VPS13B: variants seen among roughly 807,000 people sequenced by gnomAD.
VPS13B encodes the protein intermembrane lipid transfer protein VPS13B.
VPS13B carries 285 observed loss-of-function variants against 426.4 expected under a neutral mutation model. The ratio of observed to expected loss-of-function variants is 0.67; its 90% CI spans 0.61 to 0.74. The LOEUF is 0.74. Among genes scored for constraint, VPS13B ranks in the 30% least tolerant of loss-of-function variants. The pLI is 0.00. For missense variants in VPS13B, 4,537 were observed against 4,782.6 expected, an observed-to-expected ratio of 0.95 and a Z score of 1.51; for synonymous variants, 1,676 against 1,676.4, an observed-to-expected ratio of 1.00 and a Z score of 0.01.
At position 99,642,369 on chromosome 8, in the gene VPS13B, G is replaced by C; in HGVS notation, c.5779G>C (p.Glu1927Gln). 1.9e-6 allele frequency: 3 copies of C among 1,614,120 alleles called. No individual in the cohort carries two copies. Among genetic ancestry groups the C allele is most frequent in the Non-Finnish European group, 2.5e-6 (3 of 1,179,994 alleles). Residue 1927 changes from glutamate (E) to glutamine (Q), a missense_variant, in exon 34 of 62, where the codon GAG becomes CAG. By Grantham distance (29) the Glu-to-Gln change is conservative. Transcript: ENST00000357162. ...GRRGTGDLQLEPFLYFIVSQP... is the reference protein window; with the variant it reads ...GRRGTGDLQLQPFLYFIVSQP... ...AAGAGGAACTGGTGACTTACAGCTAGAGCCTTTTCTGTACTTTATTGTGTC... is the reference window on the plus strand; with the variant it reads ...AAGAGGAACTGGTGACTTACAGCTACAGCCTTTTCTGTACTTTATTGTGTC...
chr8:99,469,373 G>A (rs985500163), intron 24 of VPS13B, among the ~76,000 whole-genome samples: 4 of 151,588 alleles, frequency 2.6e-5, no homozygotes, highest in East Asian at 1.9e-4. Flanking sequence ...ACAGGGTCTC[G>A]CTTTGTTGTC....
At chr8:99,291,639 G>T (rs1819739801) in intron 19 of VPS13B, among the ~76,000 whole-genome samples, 1 of 152,050 alleles carries the variant, frequency 6.6e-6, no homozygotes, top group Non-Finnish European at 1.5e-5. Flanking sequence ...GATTGGGAGA[G>T]AAGTTCTGCT....
At position 99,391,801 on chromosome 8, in the gene VPS13B, A is replaced by T. The variant is rs1015604792; in HGVS notation, c.3082+97A>T. The T allele has an allele frequency of 6.9e-6, 10 of 1,447,976 alleles. No individual in the cohort carries two copies. In the African/African-American group the frequency reaches 1.4e-4, roughly 20 times the overall value. The allele number at this position is 1,447,976 out of a possible 1,614,324, so 89.7% of individuals were successfully genotyped here. ...TTCATGGATGCTGGCCAAAGACATG[A>T]GACTCATTGAGTGGAGACAAAGAAC... On this transcript the variant is annotated intron_variant, in intron 21 of 61. Coordinates refer to ENST00000357162, the MANE Select transcript of VPS13B (RefSeq NM_152564.5).
intron 21 of VPS13B, among the ~76,000 whole-genome samples, chr8:99,397,885 A>G (rs933121317): frequency 6.6e-6 from 1 of 152,206 alleles, no homozygotes; most frequent in African/African-American, 2.4e-5. Context: ...GTCTAACTGC[A>G]TAAGAGGTCT....
chr8:99,418,537 T>G (rs1816196033), intron 21 of VPS13B, among the ~76,000 whole-genome samples: 2 of 148,772 alleles, frequency 1.3e-5, no homozygotes, highest in African/African-American at 5.0e-5. Flanking sequence ...TCTCTTTCTT[T>G]TCTTTTCTTT....
At chr8:99,162,405 A>G (rs1476470307) in intron 15 of VPS13B, among the ~76,000 whole-genome samples, 3 of 152,356 alleles carry the variant, frequency 2.0e-5, no homozygotes, top group Non-Finnish European at 4.4e-5. Context: ...TATTGGCTAT[A>G]TGATGAAATT....
rs202063214 is a variant in VPS13B at position 99,568,293 on chromosome 8, A to T, written c.4950-7365A>T. ...ACCGATAACTATTATTATTATTATT[A>T]TTATTATTTTTTTTTGAGACGGAGT... On this transcript the variant is annotated intron_variant, in intron 31 of 61. Coordinates refer to ENST00000357162, the MANE Select transcript of VPS13B (RefSeq NM_152564.5). Among the ~76,000 whole-genome samples, 669 of 99,142 alleles carry T rather than the reference A, an allele frequency of 6.7e-3. 13 individuals carry two copies. The highest frequency in any genetic ancestry group is 0.013 in the Middle Eastern group (3 of 226). The allele number at this position is 99,142 out of a possible 152,430, so 65.0% of individuals were successfully genotyped here.
rs191975246 is a variant in VPS13B, at chr8:99,270,223, C to G, written c.2516-3975C>G. On this transcript the variant is annotated intron_variant, in intron 17 of 61. Transcript: ENST00000357162. The stretch of plus-strand genomic sequence containing the variant: ...GTGTGATCTCGGCTCACTGCAACCT[C>G]TGCCTCCCAGGCTCAGGCAATTTTT... 6.7e-3 allele frequency among the ~76,000 whole-genome samples: 892 copies of G among 133,826 alleles called. 8 individuals are homozygous for G. The highest frequency in any genetic ancestry group is 0.023 in the African/African-American group (836 of 35,890). 87.8% of individuals were successfully genotyped at this position (133,826 alleles called of 152,430 possible). A position where few individuals can be genotyped will look rare whatever the true frequency, so the allele number is the denominator to read the frequency against.
intron 39 of VPS13B, among the ~76,000 whole-genome samples, chr8:99,749,439 T>A (rs1261701102): frequency 2.0e-5 from 3 of 151,630 alleles, no homozygotes; most frequent in Non-Finnish European, 4.4e-5. Flanking sequence ...TTTATCTCCA[T>A]GAGTTCAATC....
At chr8:99,674,828 A>G (rs1830863513) in intron 35 of VPS13B, among the ~76,000 whole-genome samples, 1 of 152,098 alleles carries the variant, frequency 6.6e-6, no homozygotes, top group Admixed American at 6.5e-5. Context: ...CATGTACACA[A>G]AAAACCTCTA....
intron 19 of VPS13B, among the ~76,000 whole-genome samples, chr8:99,302,626 C>T (rs6999062): frequency 0.73 from 111,651 of 152,036 alleles, 41,734 homozygotes; most frequent in South Asian, 0.87. Flanking sequence ...TCTCCTGCCT[C>T]AGCCTGCCAG....
At chr8:99,324,256 G>A (rs926338105) in intron 19 of VPS13B, among the ~76,000 whole-genome samples, 1 of 152,124 alleles carries the variant, frequency 6.6e-6, no homozygotes, top group African/African-American at 2.4e-5. Context: ...TCAAACTGTT[G>A]AAGTAAATAA....
At chr8:99,803,994 C>T (rs981793490) in intron 43 of VPS13B, among the ~76,000 whole-genome samples, 4 of 152,144 alleles carry the variant, frequency 2.6e-5, no homozygotes, top group East Asian at 3.8e-4. Context: ...ACTGACTTGG[C>T]GTTTAATCTA....
intron 19 of VPS13B, among the ~76,000 whole-genome samples, chr8:99,294,467 C>T (rs1819923600): frequency 6.8e-6 from 1 of 147,160 alleles, no homozygotes; most frequent in Non-Finnish European, 1.5e-5. Context: ...GTGCAGCGCA[C>T]CAGCATGGCA....
intron 15 of VPS13B, among the ~76,000 whole-genome samples, chr8:99,159,261 G>T (rs145348930): frequency 3.3e-4 from 51 of 152,298 alleles, no homozygotes; most frequent in African/African-American, 1.2e-3. Context: ...GATGAGCAAA[G>T]AAAGTGATTT....
chr8:99,605,269 T>C (rs1199657348), intron 33 of VPS13B, among the ~76,000 whole-genome samples: 1 of 152,200 alleles, frequency 6.6e-6, no homozygotes, highest in Non-Finnish European at 1.5e-5. Context: ...TAAGAAAAAG[T>C]AGCACAGATA....
chr8:99,658,210 T>G (rs191697846), intron 34 of VPS13B, among the ~76,000 whole-genome samples: 62 of 152,300 alleles, frequency 4.1e-4, no homozygotes, highest in African/African-American at 1.2e-3. Context: ...TTTTACCATA[T>G]GTGTTTAAAA....
At chr8:99,496,836 G>A (rs930484594) in intron 25 of VPS13B, among the ~76,000 whole-genome samples, 1 of 151,820 alleles carries the variant, frequency 6.6e-6, no homozygotes, top group Non-Finnish European at 1.5e-5. Context: ...GTTTTCAGTA[G>A]TTTCAATAAA....
intron 7 of VPS13B, 95 bp downstream of exon 7, chr8:99,115,969 T>G: frequency 7.9e-7 from 1 of 1,270,080 alleles, no homozygotes; most frequent in Non-Finnish European, 1.1e-6. Context: ...GCTTGAGTTT[T>G]ACAGTATTCT....
Sources: allele counts gnomAD v4.1 joint callset (sites outside exome capture counted in the v4.1 genomes callset), GRCh38; gene constraint gnomAD v4.1.1; transcripts MANE v1.5; gene names NCBI Gene and HGNC (gene_info 2026-07-23, HGNC 2026-07-21).